SVEP1: variants seen among roughly 807,000 people sequenced by gnomAD.
SVEP1 encodes sushi, von Willebrand factor type A, EGF and pentraxin domain containing 1, also known as sushi, von Willebrand factor type A, EGF and pentraxin domain-containing protein 1.
Under a neutral mutation model 367.3 loss-of-function variants are expected in SVEP1, and 164 were observed. The ratio of observed to expected loss-of-function variants is 0.45; its 90% CI spans 0.39 to 0.51. The LOEUF (loss-of-function observed/expected upper bound fraction) is 0.51, where lower values mean the gene tolerates loss of function less well. Among genes scored for constraint, SVEP1 ranks in the 20% least tolerant of loss-of-function variants. The pLI, the probability that SVEP1 is intolerant of heterozygous loss-of-function variation, is 0.00. For synonymous variants in SVEP1, 1,666 were observed against 1,611.6 expected (o/e 1.03, Z -0.81); for missense variants, 4,117 against 4,425.3 (o/e 0.93, Z 1.98).
chr9:110,546,818 T>C (rs1011902269), intron 2 of SVEP1, among the ~76,000 whole-genome samples: 1 of 152,198 alleles, frequency 6.6e-6, no homozygotes, highest in African/African-American at 2.4e-5. Context: ...ACCATTCTTA[T>C]TACTTGAGCC....
At chr9:110,428,429 C>CACACACAA (rs60798857) in intron 35 of SVEP1, among the ~76,000 whole-genome samples, 51,262 of 151,116 alleles carry the variant, frequency 0.34, 8,952 homozygotes, top group African/African-American at 0.42. Flanking sequence ...CACACACACA[C>CACACACAA]CATTAATCTC....
intron 3 of SVEP1, among the ~76,000 whole-genome samples, chr9:110,528,463 A>G (rs185882124): frequency 3.5e-4 from 53 of 151,842 alleles, no homozygotes; most frequent in Non-Finnish European, 6.9e-4. Flanking sequence ...ATCCGTGCCA[A>G]CATATTTTAT....
intron 19 of SVEP1, 23 bp downstream of exon 19, chr9:110,458,929 A>C: frequency 6.2e-7 from 1 of 1,604,536 alleles, no homozygotes; most frequent in Non-Finnish European, 8.5e-7. Context: ...ATAGGATTAC[A>C]TAAGAAATGA....
At chr9:110,512,819 T>C in intron 5 of SVEP1, 107 bp downstream of exon 5, 1 of 1,289,064 alleles carries the variant, frequency 7.8e-7, no homozygotes, top group Admixed American at 1.9e-5. Context: ...TAGTATGGGG[T>C]CTATGAAATC....
At chr9:110,499,784 G>A (rs1829504589) in intron 6 of SVEP1, among the ~76,000 whole-genome samples, 1 of 152,216 alleles carries the variant, frequency 6.6e-6, no homozygotes, top group African/African-American at 2.4e-5. Flanking sequence ...CAGATGGAAT[G>A]GAAAATCAAG....
chr9:110,513,035 G>A lies in SVEP1; in HGVS notation c.1194C>T (p.Phe398=). 1.9e-6 allele frequency: 3 copies of A among 1,614,048 alleles called. No homozygotes were observed. Among genetic ancestry groups the A allele is most frequent in the Non-Finnish European group, 2.5e-6 (3 of 1,179,890 alleles). The change falls in exon 5 of 48, where the codon TTC becomes TTT. Residue 398 remains phenylalanine (F), a synonymous_variant. Transcript: ENST00000374469. ...GACATCGGACCCCACAGGCTGCATT[G>A]AAGTGGTTGTTGCAAGTGTTTTGGA... is the stretch of plus-strand genomic sequence containing the variant. ...YFIQNTCNNH[F]NAACGVRCHP... is the part of the protein sequence containing the mutation.
At chr9:110,499,834 G>A (rs1047843692) in intron 6 of SVEP1, among the ~76,000 whole-genome samples, 7 of 152,184 alleles carry the variant, frequency 4.6e-5, no homozygotes, top group South Asian at 2.1e-4. Flanking sequence ...AGGGGGCAGC[G>A]TGTGCACACA....
chr9:110,555,782 G>T (rs542460840), intron 1 of SVEP1, among the ~76,000 whole-genome samples: 26 of 152,270 alleles, frequency 1.7e-4, no homozygotes, highest in African/African-American at 6.0e-4. Context: ...GGATAGAGGA[G>T]GGGTGGGGGA....
In SVEP1 at chr9:110,476,324, A is replaced by G; in HGVS notation, c.2488-9T>C. ...CTACAAAATGATGGGACCTGCAAGT[A>G]AAAAATGAAGAGGATAAAGTGTAAA... is the stretch of plus-strand genomic sequence containing the variant. On this transcript the variant is annotated splice_polypyrimidine_tract_variant and intron_variant, in intron 13 of 47. Transcript: ENST00000374469. 4.4e-6 allele frequency: 7 copies of G among 1,597,380 alleles called. 1 individual carries two copies. The South Asian group carries it at 4.4e-5, about 10-fold the overall frequency.
At chr9:110,404,084 A>G (rs1827914476) in intron 39 of SVEP1, among the ~76,000 whole-genome samples, 1 of 152,200 alleles carries the variant, frequency 6.6e-6, no homozygotes, top group Non-Finnish European at 1.5e-5. Context: ...TTTGTTATAA[A>G]TATCTTGTTA....
At chr9:110,398,809 C>A (rs1827810638) in intron 40 of SVEP1, among the ~76,000 whole-genome samples, 2 of 152,270 alleles carry the variant, frequency 1.3e-5, no homozygotes, top group Non-Finnish European at 2.9e-5. Flanking sequence ...CATCTCACAC[C>A]AGTTAGAATG....
rs1178060400 is a variant in SVEP1, at chr9:110,411,328, C to G, written c.6383G>C (p.Arg2128Thr). 1.2e-6 allele frequency: 2 copies of G among 1,613,934 alleles called. No individual in the cohort carries two copies. The highest frequency in any genetic ancestry group is 1.7e-6 in the Non-Finnish European group (2 of 1,179,914). ...GGGGGAAGGGTTCCACTGCCCACCT[C>G]TCATACATTCAATCTTTGCTGAGGT... Reference protein sequence around the residue: ...LNTSAKIECMRGGQWNPSPMS... With the variant: ...LNTSAKIECMTGGQWNPSPMS... The change falls in exon 37 of 48, where the codon AGA (arginine) becomes ACA (threonine). Residue 2128 changes from arginine (R) to threonine (T), a missense_variant. This residue lies in a region of SVEP1 where 1,765 missense variants were observed against 1,781.1 expected (regional missense o/e 0.99). Coordinates refer to ENST00000374469, the MANE Select transcript of SVEP1 (RefSeq NM_153366.4).
chr9:110,413,702 T>A (rs140753753), intron 36 of SVEP1, among the ~76,000 whole-genome samples: 3 of 152,086 alleles, frequency 2.0e-5, no homozygotes, highest in African/African-American at 7.3e-5. Flanking sequence ...TACTCTCAAG[T>A]GTTCTGTCAA....
intron 5 of SVEP1, among the ~76,000 whole-genome samples, chr9:110,507,118 C>T (rs1355125215): frequency 6.6e-6 from 1 of 152,108 alleles, no homozygotes; most frequent in African/African-American, 2.4e-5. Context: ...ATAGAACCTA[C>T]AAGCATTGGA....
chr9:110,571,594 T>C (rs1031992912), intron 1 of SVEP1, among the ~76,000 whole-genome samples: 1 of 152,178 alleles, frequency 6.6e-6, no homozygotes, highest in Admixed American at 6.5e-5. Flanking sequence ...AAGGCTTAAT[T>C]TGAGAAAGAA....
At chr9:110,399,395 G>A (rs375164420) in intron 40 of SVEP1, among the ~76,000 whole-genome samples, 16 of 151,602 alleles carry the variant, frequency 1.1e-4, no homozygotes, top group African/African-American at 3.4e-4. Context: ...GCTAAATGAC[G>A]AATTAATGGG....
At chr9:110,393,796 A>G (rs1827708516) in intron 40 of SVEP1, among the ~76,000 whole-genome samples, 1 of 152,234 alleles carries the variant, frequency 6.6e-6, no homozygotes, top group South Asian at 2.1e-4. Flanking sequence ...GCAAGGCAGC[A>G]GCGAGGCTGG....
chr9:110,512,154 G>A (rs949388962), intron 5 of SVEP1, among the ~76,000 whole-genome samples: 5 of 152,138 alleles, frequency 3.3e-5, no homozygotes, highest in Non-Finnish European at 7.4e-5. Flanking sequence ...GGCAACCGTA[G>A]GTAGGGAGCA....
At position 110,386,237 on chromosome 9, in the gene SVEP1, T is replaced by C. The variant is rs191098085; in HGVS notation, c.10061-163A>G. 1.6e-4 allele frequency among the ~76,000 whole-genome samples: 24 copies of C among 152,324 alleles called. No individual in the cohort carries two copies. The East Asian group carries it at 4.2e-3, about 27-fold the overall frequency. On this transcript the variant is annotated intron_variant, in intron 42 of 47. Transcript: ENST00000374469. ...ACATTAGACACAGACTTGTTTTGCA[T>C]CCTCATGAAATTATGTGTAAAGATA...
Sources: gnomAD v4.1 joint callset for allele counts (sites outside exome capture counted in the v4.1 genomes callset) on GRCh38, gnomAD v4.1.1 for gene constraint, gnomAD v4.1.1 regional missense constraint, MANE v1.5 for transcripts, NCBI Gene and HGNC (gene_info 2026-07-23, HGNC 2026-07-21) for gene names.